PRKAR2B: variants seen among roughly 807,000 people sequenced by gnomAD.
The protein encoded by PRKAR2B is cAMP-dependent protein kinase type II-beta regulatory subunit.
A neutral mutation model predicts 49.9 loss-of-function variants in PRKAR2B; 14 were observed. The ratio of observed to expected loss-of-function variants is 0.28; its 90% CI spans 0.19 to 0.44. The LOEUF (loss-of-function observed/expected upper bound fraction) is 0.44. Ranked by LOEUF, PRKAR2B falls within the 20% of genes least tolerant of loss-of-function variation. PRKAR2B has a pLI of 1.00. For missense variants in PRKAR2B, 393 were observed against 537.9 expected (o/e 0.73, Z 2.67); for synonymous variants, 196 against 197.7 (o/e 0.99, Z 0.07).
chr7:107,146,937 G>A (rs1015540663), intron 6 of PRKAR2B, among the ~76,000 whole-genome samples: 19 of 152,070 alleles, frequency 1.2e-4, no homozygotes, highest in Admixed American at 2.6e-4. Flanking sequence ...TCAGAAATTC[G>A]GAGTTTGAGA....
chr7:107,128,534 G>A (rs1795541220), intron 4 of PRKAR2B, among the ~76,000 whole-genome samples: 1 of 152,154 alleles, frequency 6.6e-6, no homozygotes, highest in African/African-American at 2.4e-5. Context: ...TGTTTGTCCT[G>A]TGGAAGATAT....
chr7:107,127,701 C>T (rs527831692), intron 3 of PRKAR2B, among the ~76,000 whole-genome samples: 29 of 152,354 alleles, frequency 1.9e-4, no homozygotes, highest in African/African-American at 7.0e-4. Context: ...AAAATATATT[C>T]GGCATCTAAT....
intron 2 of PRKAR2B, among the ~76,000 whole-genome samples, chr7:107,101,483 T>C (rs967135999): frequency 3.3e-5 from 5 of 152,336 alleles, no homozygotes; most frequent in African/African-American, 1.2e-4. Flanking sequence ...GCCCAGTTTC[T>C]CCGTCCTACC....
chr7:107,132,002 T>C (rs911138623), intron 4 of PRKAR2B, among the ~76,000 whole-genome samples: 33 of 152,352 alleles, frequency 2.2e-4, no homozygotes, highest in African/African-American at 7.7e-4. Context: ...TTTTGGAATT[T>C]ATAGTTTAAT....
At chr7:107,080,167 A>G (rs1273308510) in intron 2 of PRKAR2B, among the ~76,000 whole-genome samples, 2 of 152,112 alleles carry the variant, frequency 1.3e-5, no homozygotes, top group Non-Finnish European at 2.9e-5. Context: ...CTCTCGGAGG[A>G]GCACAGAGGT....
intron 1 of PRKAR2B, among the ~76,000 whole-genome samples, chr7:107,065,646 T>C (rs1794123078): frequency 6.6e-6 from 1 of 152,168 alleles, no homozygotes; most frequent in Non-Finnish European, 1.5e-5. Flanking sequence ...GGGACTCTCT[T>C]ACAATTCCAG....
intron 2 of PRKAR2B, among the ~76,000 whole-genome samples, chr7:107,076,965 C>G (rs557804331): frequency 5.9e-5 from 9 of 152,220 alleles, no homozygotes; most frequent in African/African-American, 1.9e-4. Flanking sequence ...CCTTGATTCA[C>G]GGAACATATG....
intron 2 of PRKAR2B, among the ~76,000 whole-genome samples, chr7:107,071,058 G>T (rs1345883044): frequency 6.6e-6 from 1 of 152,184 alleles, no homozygotes; most frequent in Admixed American, 6.5e-5. Flanking sequence ...TTTGGGCATT[G>T]AGATAAACTA....
intron 2 of PRKAR2B, among the ~76,000 whole-genome samples, chr7:107,106,314 C>T (rs954737277): frequency 2.0e-5 from 3 of 152,190 alleles, no homozygotes; most frequent in Non-Finnish European, 2.9e-5. Context: ...AACTGCATCG[C>T]ACCCCACAAG....
chr7:107,053,443 C>G (rs562335336), intron 1 of PRKAR2B, among the ~76,000 whole-genome samples: 16 of 151,762 alleles, frequency 1.1e-4, no homozygotes, highest in Middle Eastern at 3.4e-3. Flanking sequence ...GTAAACAATA[C>G]CACTTAAATT....
chr7:107,137,320 G>A (rs1795716734), intron 4 of PRKAR2B, among the ~76,000 whole-genome samples: 1 of 152,172 alleles, frequency 6.6e-6, no homozygotes, highest in Non-Finnish European at 1.5e-5. Context: ...CTCATTGCAG[G>A]TTTTCACATT....
At chr7:107,119,022 G>A (rs1326427628) in intron 2 of PRKAR2B, among the ~76,000 whole-genome samples, 2 of 152,006 alleles carry the variant, frequency 1.3e-5, no homozygotes, top group African/African-American at 4.8e-5. Flanking sequence ...TGATAAAGTG[G>A]GTATCACAAA....
At chr7:107,058,608 C>T (rs937978995) in intron 1 of PRKAR2B, among the ~76,000 whole-genome samples, 4 of 151,946 alleles carry the variant, frequency 2.6e-5, no homozygotes, top group African/African-American at 9.7e-5. Flanking sequence ...AGCAGTTTAC[C>T]AGCCAAGCAA....
intron 2 of PRKAR2B, among the ~76,000 whole-genome samples, chr7:107,102,593 C>T (rs1465503054): frequency 6.6e-6 from 1 of 152,166 alleles, no homozygotes; most frequent in Non-Finnish European, 1.5e-5. Context: ...GCCAAGAACC[C>T]CCCAATTTTG....
intron 3 of PRKAR2B, among the ~76,000 whole-genome samples, chr7:107,122,794 A>G (rs1393261398): frequency 1.3e-5 from 2 of 152,186 alleles, no homozygotes; most frequent in African/African-American, 4.8e-5. Flanking sequence ...AAGCTCCTTG[A>G]AACTTATGTA....
chr7:107,099,582 T>C (rs1794916946), intron 2 of PRKAR2B, among the ~76,000 whole-genome samples: 1 of 151,730 alleles, frequency 6.6e-6, no homozygotes, highest in African/African-American at 2.4e-5. Context: ...TCTGCGTTGC[T>C]CACCCTGGGA....
intron 6 of PRKAR2B, among the ~76,000 whole-genome samples, chr7:107,150,319 C>A (rs962131997): frequency 6.6e-6 from 1 of 152,000 alleles, no homozygotes; most frequent in African/African-American, 2.4e-5. Context: ...TTAGATCTTA[C>A]TCAAAAACAT....
intron 3 of PRKAR2B, among the ~76,000 whole-genome samples, chr7:107,127,763 AAAAG>A (rs1795525253): frequency 6.6e-6 from 1 of 152,242 alleles, no homozygotes; most frequent in South Asian, 2.1e-4. Context: ...ATCAAGATTC[AAAAG>A]AAAGAATTAC....
intron 4 of PRKAR2B, among the ~76,000 whole-genome samples, chr7:107,139,965 C>G (rs1284542793): frequency 6.6e-6 from 1 of 152,182 alleles, no homozygotes; most frequent in Non-Finnish European, 1.5e-5. Flanking sequence ...AGTGACCTGA[C>G]CAAGGGCTCA....
Sources: allele counts gnomAD v4.1 joint callset (sites outside exome capture counted in the v4.1 genomes callset), GRCh38; gene constraint gnomAD v4.1.1; transcripts MANE v1.5; gene names NCBI Gene and HGNC (gene_info 2026-07-23, HGNC 2026-07-21).